KIF26B: variants seen among roughly 807,000 people sequenced by gnomAD.
The protein encoded by KIF26B is kinesin-like protein KIF26B.
In KIF26B, 63 loss-of-function variants were observed where a neutral mutation model predicts 151.2. The observed-to-expected ratio is 0.42, with a 90% confidence interval of 0.34 to 0.51. KIF26B has a LOEUF of 0.51. KIF26B is among the 20% of genes least tolerant of loss of function. The pLI is 0.07. For synonymous variants in KIF26B, 1,357 were observed against 1,262.1 expected (o/e 1.08, Z -1.59); for missense variants, 2,813 against 2,913.6 (o/e 0.97, Z 0.79).
intron 5 of KIF26B, among the ~76,000 whole-genome samples, chr1:245,575,994 C>T (rs1252023822): frequency 6.6e-6 from 1 of 152,152 alleles, no homozygotes; most frequent in African/African-American, 2.4e-5. Context: ...CCCACCATGC[C>T]TGCACCTCCA....
intron 3 of KIF26B, among the ~76,000 whole-genome samples, chr1:245,419,292 G>A (rs1335527037): frequency 6.6e-6 from 1 of 152,158 alleles, no homozygotes; most frequent in African/African-American, 2.4e-5. Context: ...ATGGATAATG[G>A]TTCATGTTTT....
chr1:245,217,181 G>C (rs1222590389), intron 2 of KIF26B, among the ~76,000 whole-genome samples: 7 of 152,148 alleles, frequency 4.6e-5, no homozygotes. Context: ...GGAGAAAAGG[G>C]TGTCAATGGT....
At position 245,646,246 on chromosome 1, in the gene KIF26B, G is replaced by A; in HGVS notation, c.2224G>A (p.Ala742Thr). The change falls in exon 10 of 15, where the codon GCT (alanine) becomes ACT (threonine). Residue 742 changes from alanine to threonine, a missense_variant. By Grantham distance (58) the Ala-to-Thr change is moderately conservative. Around this residue, in one of 3 missense-constraint regions of KIF26B, gnomAD observed 2,060 missense variants for 2,088.6 expected, o/e 0.99. Transcript: ENST00000407071. ...GTCTGCTCTGGGCAATGTCATCCTG[G>A]CTCTCGTCAATGGCAGCAAACACAT... is the stretch of plus-strand genomic sequence containing the variant. ...SLSALGNVIL[A>T]LVNGSKHIPY... 6.2e-7 allele frequency: 1 copy of A among 1,613,860 alleles called. No individual in the cohort carries two copies. Among genetic ancestry groups the A allele is most frequent in the African/African-American group, 1.3e-5 (1 of 75,010 alleles).
intron 2 of KIF26B, among the ~76,000 whole-genome samples, chr1:245,224,302 A>G (rs952607638): frequency 3.3e-5 from 5 of 151,876 alleles, no homozygotes; most frequent in Non-Finnish European, 5.9e-5. Context: ...AAAAAAAAAA[A>G]ATTCTGTATG....
intron 2 of KIF26B, among the ~76,000 whole-genome samples, chr1:245,320,397 C>A (rs1020245227): frequency 6.6e-6 from 1 of 152,240 alleles, no homozygotes; most frequent in Non-Finnish European, 1.5e-5. Context: ...CTCTCGTTCT[C>A]CTCAGTTTCC....
At chr1:245,156,736 C>A in intron 2 of KIF26B, 53 bp downstream of exon 2, 1 of 1,220,346 alleles carries the variant, frequency 8.2e-7, no homozygotes, top group South Asian at 1.8e-5. Context: ...GGGGCCGGGC[C>A]GCCACCCACA....
chr1:245,267,559 T>C (rs1670767996), intron 2 of KIF26B, among the ~76,000 whole-genome samples: 1 of 151,952 alleles, frequency 6.6e-6, no homozygotes, highest in South Asian at 2.1e-4. Context: ...TGCAGGCATA[T>C]GTGATAGCTC....
Position 245,367,059 on chromosome 1 carries a change from G to C in KIF26B, c.691G>C (p.Val231Leu). 1 of 1,606,726 alleles carries C rather than the reference G, an allele frequency of 6.2e-7. No individual in the cohort carries two copies. Among genetic ancestry groups the C allele is most frequent in the Non-Finnish European group, 8.5e-7 (1 of 1,176,666 alleles). Reference sequence around the variant, plus strand: ...ACCGCTCTCCAACATCCCCACCCTGGTGGGGTCCCGGCACGTGGGTGGGCT... The same window carrying C: ...ACCGCTCTCCAACATCCCCACCCTGCTGGGGTCCCGGCACGTGGGTGGGCT... ...PPPLSNIPTL[V>L]GSRHVGGLQQ... The change falls in exon 3 of 15, where the codon GTG becomes CTG. Residue 231 changes from valine to leucine, a missense_variant. Around this residue, in one of 3 missense-constraint regions of KIF26B, gnomAD observed 676 missense variants for 688.1 expected, o/e 0.98. Coordinates refer to ENST00000407071, the MANE Select transcript of KIF26B (RefSeq NM_018012.4). The surrounding 1 kb of genome is among the most constrained non-coding windows in gnomAD (Gnocchi z 4.2).
chr1:245,181,752 A>C (rs1377743615), intron 2 of KIF26B, among the ~76,000 whole-genome samples: 4 of 152,130 alleles, frequency 2.6e-5, no homozygotes, highest in Non-Finnish European at 5.9e-5. Flanking sequence ...GGGAAACTGC[A>C]GACTGTTGGG....
chr1:245,236,135 G>T (rs1047674869), intron 2 of KIF26B, among the ~76,000 whole-genome samples: 1 of 152,058 alleles, frequency 6.6e-6, no homozygotes, highest in African/African-American at 2.4e-5. Context: ...TCACCATGCT[G>T]GTCAGGCTGG....
At chr1:245,569,243 A>T (rs935329065) in intron 5 of KIF26B, among the ~76,000 whole-genome samples, 2 of 152,166 alleles carry the variant, frequency 1.3e-5, no homozygotes, top group African/African-American at 4.8e-5. Context: ...TGTCTCCCAA[A>T]GTATCCCACC....
chr1:245,238,835 C>A lies in KIF26B; in HGVS notation c.465+82152C>A, dbSNP rs182970348. ...TGAGTTGGTGCCACTGCACTCCAGC[C>A]TGGGTGACAAGAGCAAAACTGTCTC... On this transcript the variant is annotated intron_variant, in intron 2 of 14. Transcript: ENST00000407071. 3.6e-4 allele frequency among the ~76,000 whole-genome samples: 55 copies of A among 152,116 alleles called. 2 individuals are homozygous for A. The East Asian group carries it at 5.0e-3, about 14-fold the overall frequency.
intron 2 of KIF26B, among the ~76,000 whole-genome samples, chr1:245,276,805 G>A (rs1670946354): frequency 6.6e-6 from 1 of 152,154 alleles, no homozygotes. Flanking sequence ...TATTTTTGTT[G>A]AATTGCTGTC....
chr1:245,558,242 C>T (rs1404575212), intron 5 of KIF26B, among the ~76,000 whole-genome samples: 2 of 152,190 alleles, frequency 1.3e-5, no homozygotes, highest in African/African-American at 4.8e-5. Context: ...CCTTGCTCTC[C>T]ATTGCCCTTA....
At chr1:245,234,700 G>A (rs931842585) in intron 2 of KIF26B, among the ~76,000 whole-genome samples, 4 of 152,214 alleles carry the variant, frequency 2.6e-5, no homozygotes, top group African/African-American at 4.8e-5. Flanking sequence ...GAAGAAAAGC[G>A]AGGAGAAGGG....
chr1:245,702,858 A>G lies in KIF26B; in HGVS notation c.*252A>G, dbSNP rs1429281080. Reference sequence around the variant, plus strand: ...GTGTCCAAGCCCTGTGAGACTGAAAAAGCACTTTGAGGAACCTTAAAGACC... The same window carrying G: ...GTGTCCAAGCCCTGTGAGACTGAAAGAGCACTTTGAGGAACCTTAAAGACC... On this transcript the variant is annotated 3_prime_UTR_variant, in exon 15 of 15. Transcript: ENST00000407071. This position sits in a 1 kb window ranked among gnomAD's most constrained non-coding sequence, Gnocchi z 4.1. 3 of 417,438 alleles carry G rather than the reference A, an allele frequency of 7.2e-6. No individual in the cohort carries two copies. The highest frequency in any genetic ancestry group is 7.8e-5 in the Admixed American group (2 of 25,568). The allele number at this position is 417,438 out of a possible 1,614,324, so 25.9% of individuals were successfully genotyped here.
At chr1:245,337,233 G>A (rs1672252775) in intron 2 of KIF26B, among the ~76,000 whole-genome samples, 1 of 151,904 alleles carries the variant, frequency 6.6e-6, no homozygotes, top group Non-Finnish European at 1.5e-5. Context: ...GTACAGTAGT[G>A]TGATCTCGGC....
At chr1:245,444,174 A>AGAG (rs572151417) in intron 4 of KIF26B, among the ~76,000 whole-genome samples, 14,553 of 135,796 alleles carry the variant, frequency 0.11, 80 homozygotes, top group African/African-American at 0.18. Flanking sequence ...CTGTTCACCT[A>AGAG]GAGTGGTCAT....
At chr1:245,672,912 A>G (rs1346527888) in intron 10 of KIF26B, among the ~76,000 whole-genome samples, 1 of 152,138 alleles carries the variant, frequency 6.6e-6, no homozygotes, top group Non-Finnish European at 1.5e-5. Context: ...ATAAATTCCA[A>G]TATTTTCTTC....
Sources: allele counts gnomAD v4.1 joint callset (sites outside exome capture counted in the v4.1 genomes callset), GRCh38; gene constraint gnomAD v4.1.1; regional missense constraint gnomAD v4.1.1; non-coding constraint Gnocchi (gnomAD v3.1); transcripts MANE v1.5; gene names NCBI Gene and HGNC (gene_info 2026-07-23, HGNC 2026-07-21).